TMEM135: variants seen among roughly 807,000 people sequenced by gnomAD.
TMEM135 encodes peroxisomal membrane protein 52.
TMEM135 carries 30 observed loss-of-function variants against 60.3 expected under a neutral mutation model. The observed-to-expected ratio is 0.50, with a 90% CI of 0.37 to 0.68. The LOEUF (loss-of-function observed/expected upper bound fraction) is 0.68, where lower values mean the gene tolerates loss of function less well. Ranked by LOEUF, TMEM135 falls within the 30% of genes least tolerant of loss-of-function variation. The pLI, the probability that TMEM135 is intolerant of heterozygous loss-of-function variation, is 0.00. For missense variants in TMEM135, 468 were observed against 548.8 expected (o/e 0.85, Z 1.47); for synonymous variants, 190 against 186.7 (o/e 1.02, Z -0.14).
intron 6 of TMEM135, among the ~76,000 whole-genome samples, chr11:87,269,425 A>T (rs555176756): frequency 4.0e-5 from 6 of 151,484 alleles, no homozygotes; most frequent in African/African-American, 1.2e-4. Context: ...TACATGTGCC[A>T]TGCTGGTGTG....
intron 5 of TMEM135, among the ~76,000 whole-genome samples, chr11:87,196,234 C>T (rs1484272728): frequency 2.0e-5 from 3 of 152,130 alleles, no homozygotes; most frequent in African/African-American, 4.8e-5. Flanking sequence ...AATTGTAACA[C>T]TCATCATCCT....
chr11:87,272,046 CTTTTCTTTT>C (rs1941873797), intron 6 of TMEM135, among the ~76,000 whole-genome samples: 1 of 69,602 alleles, frequency 1.4e-5, no homozygotes, highest in African/African-American at 3.5e-5. Context: ...CTTTCTTTTT[CTTTTCTTTT>C]TTTTTTTTTT....
intron 4 of TMEM135, among the ~76,000 whole-genome samples, chr11:87,104,851 A>G (rs1279101410): frequency 2.2e-4 from 34 of 152,230 alleles, no homozygotes; most frequent in Admixed American, 2.2e-3. Context: ...GTATAAGATC[A>G]TACAGTCTAC....
chr11:87,099,785 C>T (rs113429417), intron 4 of TMEM135, among the ~76,000 whole-genome samples: 6 of 149,368 alleles, frequency 4.0e-5, no homozygotes, highest in African/African-American at 9.9e-5. Context: ...CAGGTTCAAG[C>T]GATTCTCCTG....
At position 87,326,949 on chromosome 11, in the gene TMEM135, A is replaced by G. The variant is rs892894549; in HGVS notation, c.*5616A>G. The stretch of plus-strand genomic sequence containing the variant: ...TTTTTTTCACTAAAACGCTTCCTAT[A>G]ACTTGGATTAAAATTCAAAAATGGG... On this transcript the variant is annotated 3_prime_UTR_variant, in exon 15 of 15. Coordinates refer to ENST00000305494, the MANE Select transcript of TMEM135 (RefSeq NM_022918.4). The G allele has an allele frequency of 2.2e-6, 1 of 447,462 alleles. No homozygotes were observed. Among genetic ancestry groups the G allele is most frequent in the Non-Finnish European group, 4.4e-6 (1 of 224,996 alleles). The allele number at this position is 447,462 out of a possible 1,614,324, so 27.7% of individuals were successfully genotyped here. A position where few individuals can be genotyped will look rare whatever the true frequency, so the allele number is the denominator to read the frequency against.
intron 5 of TMEM135, among the ~76,000 whole-genome samples, chr11:87,179,110 C>T (rs891192307): frequency 2.6e-5 from 4 of 152,204 alleles, no homozygotes; most frequent in South Asian, 2.1e-4. Flanking sequence ...ATTTTCATTT[C>T]CCTAATGACT....
intron 4 of TMEM135, among the ~76,000 whole-genome samples, chr11:87,114,449 AAAC>A (rs1565446884): frequency 1.3e-5 from 2 of 152,196 alleles, no homozygotes. Flanking sequence ...GCTCCGTAAA[AAAC>A]AACAAGCTGT....
chr11:87,237,894 C>T (rs562406618), intron 6 of TMEM135, among the ~76,000 whole-genome samples: 7 of 151,976 alleles, frequency 4.6e-5, no homozygotes, highest in Non-Finnish European at 7.4e-5. Context: ...TTTTAGATCC[C>T]ACAAATAAGT....
chr11:87,038,665 G>A (rs1481449498), intron 1 of TMEM135, among the ~76,000 whole-genome samples: 1 of 145,394 alleles, frequency 6.9e-6, no homozygotes, highest in African/African-American at 2.6e-5. Context: ...AGTCCCTGTG[G>A]CCTCAGATCT....
At chr11:87,073,946 G>T (rs1171118695) in intron 3 of TMEM135, among the ~76,000 whole-genome samples, 1 of 151,996 alleles carries the variant, frequency 6.6e-6, no homozygotes, top group Non-Finnish European at 1.5e-5. Context: ...GGGATTACCT[G>T]CGTGAGCCAC....
At chr11:87,285,996 C>T (rs886820633) in intron 6 of TMEM135, among the ~76,000 whole-genome samples, 7 of 151,946 alleles carry the variant, frequency 4.6e-5, no homozygotes, top group African/African-American at 7.3e-5. Context: ...CAAGTCCTCA[C>T]CAGATTAGCT....
At chr11:87,042,003 C>T (rs1949753967) in intron 1 of TMEM135, among the ~76,000 whole-genome samples, 2 of 152,130 alleles carry the variant, frequency 1.3e-5, no homozygotes, top group Admixed American at 6.5e-5. Flanking sequence ...GAGAGCTTTC[C>T]CCTTGGCCCT....
chr11:87,131,594 T>C (rs1937933422), intron 4 of TMEM135, among the ~76,000 whole-genome samples: 1 of 152,170 alleles, frequency 6.6e-6, no homozygotes, highest in Non-Finnish European at 1.5e-5. Context: ...ATATACTGCA[T>C]AGTGATTATT....
intron 5 of TMEM135, among the ~76,000 whole-genome samples, chr11:87,166,959 G>A (rs768725888): frequency 3.9e-5 from 6 of 152,018 alleles, no homozygotes; most frequent in South Asian, 2.1e-4. Context: ...TTTTCCATTC[G>A]TTTGTGTCAT....
intron 6 of TMEM135, among the ~76,000 whole-genome samples, chr11:87,269,012 CTTG>C (rs986498538): frequency 6.7e-6 from 1 of 149,042 alleles, no homozygotes; most frequent in Non-Finnish European, 1.5e-5. Context: ...TATGCTTAAA[CTTG>C]TTGTAGAGGT....
At chr11:87,312,243 A>T in intron 10 of TMEM135, among the ~76,000 whole-genome samples, 1 of 134,374 alleles carries the variant, frequency 7.4e-6, no homozygotes, top group Admixed American at 7.8e-5. Context: ...TAGCTTCACT[A>T]TTGCCTTATT....
chr11:87,184,764 ATGT>A (rs1939608595), intron 5 of TMEM135, among the ~76,000 whole-genome samples: 1 of 152,094 alleles, frequency 6.6e-6, no homozygotes. Flanking sequence ...TGGAATGTTG[ATGT>A]TGTTACATAC....
intron 6 of TMEM135, among the ~76,000 whole-genome samples, chr11:87,276,893 A>T (rs902747352): frequency 5.3e-5 from 8 of 151,820 alleles, no homozygotes; most frequent in Admixed American, 1.3e-4. Context: ...GCTGGTCTTG[A>T]ACTCTTGACC....
At chr11:87,176,916 A>G (rs1048398333) in intron 5 of TMEM135, among the ~76,000 whole-genome samples, 2 of 152,218 alleles carry the variant, frequency 1.3e-5, no homozygotes, top group Admixed American at 1.3e-4. Flanking sequence ...CATCCCATGC[A>G]TATAACAACT....
Sources: gnomAD v4.1 joint callset for allele counts (sites outside exome capture counted in the v4.1 genomes callset) on GRCh38, gnomAD v4.1.1 for gene constraint, MANE v1.5 for transcripts, NCBI Gene and HGNC (gene_info 2026-07-23, HGNC 2026-07-21) for gene names.